Variants in SOX8 observed in about 807,000 individuals in gnomAD.
SOX8 encodes transcription factor SOX-8.
Under a neutral mutation model 22.9 loss-of-function variants are expected in SOX8, and 9 were observed. The observed-to-expected ratio is 0.39, with a 90% CI of 0.24 to 0.69. The LOEUF is 0.69. SOX8 is among the 30% of genes least tolerant of loss of function. The pLI is 0.43. For synonymous variants in SOX8, 416 were observed against 330.6 expected (o/e 1.26, Z -2.80); for missense variants, 734 against 699.4 (o/e 1.05, Z -0.56).
intron 2 of SOX8, among the ~76,000 whole-genome samples, chr16:984,377 C>A (rs1424281179): frequency 6.6e-6 from 1 of 152,278 alleles, no homozygotes; most frequent in South Asian, 2.1e-4. Context: ...TTGGCTGGCC[C>A]GGGGAGGAAC....
Position 986,872 on chromosome 16 carries a change from C to G in SOX8, c.*1486C>G, listed in dbSNP as rs1036756111. On this transcript the variant is annotated 3_prime_UTR_variant, in exon 3 of 3. Coordinates refer to ENST00000293894, the MANE Select transcript of SOX8 (RefSeq NM_014587.5). ...GCAGCGTCTCCCTTGGCACCGCGTT[C>G]GGAGGACGCACCCTCACTCCCCTGC... The G allele has an allele frequency of 2.6e-5, 4 of 152,262 alleles. No individual in the cohort carries two copies. The highest frequency in any genetic ancestry group is 2.9e-5 in the Non-Finnish European group (2 of 68,038). 9.4% of individuals were successfully genotyped at this position (152,262 alleles called of 1,614,324 possible).
Position 981,921 on chromosome 16 carries a change from C to A in SOX8, c.-2C>A, listed in dbSNP as rs764391231. 1.6e-6 allele frequency: 2 copies of A among 1,289,192 alleles called. No homozygotes were observed. Among genetic ancestry groups the A allele is most frequent in the East Asian group, 3.5e-5 (1 of 28,730 alleles). 79.9% of individuals were successfully genotyped at this position (1,289,192 alleles called of 1,614,324 possible). ...GTGCGCGCCCCTCCGCGCGCGGCCCCGATGCTGGACATGAGCGAGGCCCGC... is the reference window on the plus strand; with the variant it reads ...GTGCGCGCCCCTCCGCGCGCGGCCCAGATGCTGGACATGAGCGAGGCCCGC... On this transcript the variant is annotated 5_prime_UTR_variant, in exon 1 of 3. Coordinates refer to ENST00000293894, the MANE Select transcript of SOX8 (RefSeq NM_014587.5).
Position 981,801 on chromosome 16 carries a change from CG to C in SOX8, c.-120del. 1 of 385,396 alleles carries C rather than the reference CG, an allele frequency of 2.6e-6. No homozygotes were observed. Among genetic ancestry groups the C allele is most frequent in the Non-Finnish European group, 3.6e-6 (1 of 280,532 alleles). 23.9% of individuals were successfully genotyped at this position (385,396 alleles called of 1,614,324 possible). ...CGAGCCTCGGCGGCGGCGGCGGCGG[CG>C]GCAGGGGCGAGGGTCGGGGCCACCG... On this transcript the variant is annotated 5_prime_UTR_variant, in exon 1 of 3. Coordinates refer to ENST00000293894, the MANE Select transcript of SOX8 (RefSeq NM_014587.5).
At position 986,209 on chromosome 16, in the gene SOX8, G is replaced by T. The variant is rs1041929539; in HGVS notation, c.*823G>T. On this transcript the variant is annotated 3_prime_UTR_variant, in exon 3 of 3. Transcript: ENST00000293894. ...TCACGTTGCTCGTTGCTCGGCTTAT[G>T]GGAGGCCGCCCTGGAGGGCCCGGAG... 6.6e-6 allele frequency: 1 copy of T among 152,264 alleles called. No individual in the cohort carries two copies. Among genetic ancestry groups the T allele is most frequent in the African/African-American group, 2.4e-5 (1 of 41,466 alleles). 9.4% of individuals were successfully genotyped at this position (152,264 alleles called of 1,614,324 possible).
intron 1 of SOX8, 50 bp downstream of exon 1, chr16:982,394 G>T (rs747138766): frequency 7.0e-6 from 9 of 1,294,104 alleles, no homozygotes; most frequent in Middle Eastern, 2.9e-4. Context: ...GCCGCCCCTG[G>T]TCTCGGACTG....
In SOX8 at chr16:981,927, TG is replaced by T; in HGVS notation, c.7del (p.Asp3ThrfsTer2). On this transcript the variant is annotated frameshift_variant, in exon 1 of 3. Transcript: ENST00000293894. LOFTEE classifies it high-confidence loss of function. M[L>X]DMSEARSQPP... The stretch of plus-strand genomic sequence containing the variant: ...GCCCCTCCGCGCGCGGCCCCGATGC[TG>T]GACATGAGCGAGGCCCGCTCCCAGC... The T allele has an allele frequency of 1.5e-6, 2 of 1,328,074 alleles. No homozygotes were observed. The highest frequency in any genetic ancestry group is 9.6e-7 in the Non-Finnish European group (1 of 1,037,352). The allele number at this position is 1,328,074 out of a possible 1,614,324, so 82.3% of individuals were successfully genotyped here. A position where few individuals can be genotyped will look rare whatever the true frequency, so the allele number is the denominator to read the frequency against.
rs2073396087 is a variant in SOX8, at chr16:982,102, G to C, written c.180G>C (p.Ala60=). 1.5e-6 allele frequency: 2 copies of C among 1,330,298 alleles called. No homozygotes were observed. The highest frequency in any genetic ancestry group is 1.5e-5 in the African/African-American group (1 of 65,454). The allele number at this position is 1,330,298 out of a possible 1,614,324, so 82.4% of individuals were successfully genotyped here. Residue 60 remains alanine, a synonymous_variant, in exon 1 of 3, where the codon GCG becomes GCC. Coordinates refer to ENST00000293894, the MANE Select transcript of SOX8 (RefSeq NM_014587.5). ...CCCGGGGCGACCCGGCGGAGGCGGCGGACGAGCGCTTCCCGGCCTGCATCC... is the reference window on the plus strand; with the variant it reads ...CCCGGGGCGACCCGGCGGAGGCGGCCGACGAGCGCTTCCCGGCCTGCATCC... ...GGARGDPAEA[A]DERFPACIRD...
rs2073439062 is a variant in SOX8, at chr16:984,734, C to T, written c.689C>T (p.Thr230Ile). ...QTHGPPTPPT[T>I]PKTELQQAGA... Reference sequence around the variant, plus strand: ...CACGGGCCGCCCACCCCGCCCACCACCCCCAAGACGGAGCTGCAGCAGGCG... The same window carrying T: ...CACGGGCCGCCCACCCCGCCCACCATCCCCAAGACGGAGCTGCAGCAGGCG... Residue 230 changes from threonine (T) to isoleucine (I), a missense_variant, in exon 3 of 3, where the codon ACC (threonine) becomes ATC (isoleucine). Around this residue, in one of 3 missense-constraint regions of SOX8, gnomAD observed 588 missense variants for 568.2 expected, o/e 1.03. Coordinates refer to ENST00000293894, the MANE Select transcript of SOX8 (RefSeq NM_014587.5). 1 of 1,578,156 alleles carries T rather than the reference C, an allele frequency of 6.3e-7. No individual in the cohort carries two copies. Among genetic ancestry groups the T allele is most frequent in the Non-Finnish European group, 8.6e-7 (1 of 1,165,544 alleles).
rs762819363 is a variant in SOX8, at chr16:985,142, G to A, written c.1097G>A (p.Ser366Asn). Residue 366 changes from serine to asparagine, a missense_variant, in exon 3 of 3, where the codon AGC becomes AAC. Transcript: ENST00000293894. Reference protein sequence around the residue: ...PDYGSCSGQSSATPAAPAGPF... With the variant: ...PDYGSCSGQSNATPAAPAGPF... The stretch of plus-strand genomic sequence containing the variant: ...TACGGTTCCTGCAGCGGCCAGTCCA[G>A]CGCCACCCCGGCCGCCCCCGCCGGC... The A allele has an allele frequency of 1.2e-6, 2 of 1,601,636 alleles. No homozygotes were observed. Among genetic ancestry groups the A allele is most frequent in the East Asian group, 4.5e-5 (2 of 44,422 alleles).
In SOX8 at chr16:982,223, C is replaced by A. The variant is rs888392186; in HGVS notation, c.301C>A (p.His101Asn). The A allele has an allele frequency of 1.9e-6, 3 of 1,543,068 alleles. No homozygotes were observed. The highest frequency in any genetic ancestry group is 2.6e-6 in the Non-Finnish European group (3 of 1,152,792). ...CGGCGGCGCGCTCAAAGCCAAGCCG[C>A]ATGTGAAGCGGCCCATGAACGCATT... ...GGGGALKAKP[H>N]VKRPMNAFMV... Residue 101 changes from histidine (H) to asparagine (N), a missense_variant, in exon 1 of 3, where the codon CAT becomes AAT. Physicochemically the swap from His to Asn is moderately conservative, Grantham distance 68 (BLOSUM62 1). Coordinates refer to ENST00000293894, the MANE Select transcript of SOX8 (RefSeq NM_014587.5).
Position 985,372 on chromosome 16 carries a change from C to A in SOX8, c.1327C>A (p.Leu443Met). 1 of 1,564,476 alleles carries A rather than the reference C, an allele frequency of 6.4e-7. No homozygotes were observed. The highest frequency in any genetic ancestry group is 2.3e-5 in the East Asian group (1 of 42,558). Reference protein sequence around the residue: ...SHWDQPVYTTLTRP With the variant: ...SHWDQPVYTTMTRP The stretch of plus-strand genomic sequence containing the variant: ...CTGGGACCAGCCGGTGTACACCACC[C>A]TGACCAGGCCCTGAGGGCCCAGCCG... The change falls in exon 3 of 3, where the codon CTG becomes ATG. Residue 443 changes from leucine to methionine, a missense_variant. This residue lies in a region of SOX8 where 588 missense variants were observed against 568.2 expected (regional missense o/e 1.03). Coordinates refer to ENST00000293894, the MANE Select transcript of SOX8 (RefSeq NM_014587.5).
chr16:981,944 CG>C lies in SOX8; in HGVS notation c.23del (p.Arg8ProfsTer95). The C allele has an allele frequency of 7.1e-7, 1 of 1,415,168 alleles. No homozygotes were observed. Among genetic ancestry groups the C allele is most frequent in the Non-Finnish European group, 9.2e-7 (1 of 1,082,186 alleles). 87.7% of individuals were successfully genotyped at this position (1,415,168 alleles called of 1,614,324 possible). A position where few individuals can be genotyped will look rare whatever the true frequency, so the allele number is the denominator to read the frequency against. MLDMSEA[R>X]SQPPCSPSGT... ...CCCGATGCTGGACATGAGCGAGGCC[CG>C]CTCCCAGCCGCCCTGCAGCCCGTCC... On this transcript the variant is annotated frameshift_variant, in exon 1 of 3. Transcript: ENST00000293894. LOFTEE classifies it high-confidence loss of function.
At chr16:983,648 C>T in intron 1 of SOX8, 80 bp from the exon 2 acceptor site, 2 of 1,348,376 alleles carry the variant, frequency 1.5e-6, no homozygotes, top group Non-Finnish European at 2.0e-6. Context: ...GCCTCTGCTG[C>T]CGGTTCCCCC....
rs1393106516 is a variant in SOX8 at position 985,148 on chromosome 16, C to A, written c.1103C>A (p.Thr368Asn). 8 of 1,602,962 alleles carry A rather than the reference C, an allele frequency of 5.0e-6. No individual in the cohort carries two copies. The highest frequency in any genetic ancestry group is 6.0e-6 in the Non-Finnish European group (7 of 1,176,116). Residue 368 changes from threonine (T) to asparagine (N), a missense_variant, in exon 3 of 3, where the codon ACC (threonine) becomes AAC (asparagine). By Grantham distance (65) the Thr-to-Asn change is moderately conservative (BLOSUM62 0). Around this residue, in one of 3 missense-constraint regions of SOX8, gnomAD observed 588 missense variants for 568.2 expected, o/e 1.03. Coordinates refer to ENST00000293894, the MANE Select transcript of SOX8 (RefSeq NM_014587.5). ...TCCTGCAGCGGCCAGTCCAGCGCCA[C>A]CCCGGCCGCCCCCGCCGGCCCCTTC... Reference protein sequence around the residue: ...YGSCSGQSSATPAAPAGPFAG... With the variant: ...YGSCSGQSSANPAAPAGPFAG...
chr16:982,089 C>G lies in SOX8; in HGVS notation c.167C>G (p.Pro56Arg). 2 of 1,308,754 alleles carry G rather than the reference C, an allele frequency of 1.5e-6. No homozygotes were observed. The highest frequency in any genetic ancestry group is 1.9e-6 in the Non-Finnish European group (2 of 1,037,746). 81.1% of individuals were successfully genotyped at this position (1,308,754 alleles called of 1,614,324 possible). The change falls in exon 1 of 3, where the codon CCG becomes CGG. Residue 56 changes from proline to arginine, a missense_variant. Physicochemically the swap from Pro to Arg is moderately radical, Grantham distance 103. Around this residue, in one of 3 missense-constraint regions of SOX8, gnomAD observed 139 missense variants for 109.1 expected, o/e 1.27. Coordinates refer to ENST00000293894, the MANE Select transcript of SOX8 (RefSeq NM_014587.5). ...GVAVGGARGD[P>R]AEAADERFPA... ...GCGGTGGGGGGCGCCCGGGGCGACC[C>G]GGCGGAGGCGGCGGACGAGCGCTTC...
rs1488607823 is a variant in SOX8 at position 984,736 on chromosome 16, C to T, written c.691C>T (p.Pro231Ser). 1 of 1,581,210 alleles carries T rather than the reference C, an allele frequency of 6.3e-7. No individual in the cohort carries two copies. Residue 231 changes from proline to serine, a missense_variant, in exon 3 of 3, where the codon CCC (proline) becomes TCC (serine). By Grantham distance (74) the Pro-to-Ser change is moderately conservative. Coordinates refer to ENST00000293894, the MANE Select transcript of SOX8 (RefSeq NM_014587.5). ...THGPPTPPTT[P>S]KTELQQAGAK... is the part of the protein sequence containing the mutation. ...CGGGCCGCCCACCCCGCCCACCACC[C>T]CCAAGACGGAGCTGCAGCAGGCGGG...
chr16:985,127 G>T lies in SOX8; in HGVS notation c.1082G>T (p.Cys361Phe). 1 of 1,599,402 alleles carries T rather than the reference G, an allele frequency of 6.3e-7. No individual in the cohort carries two copies. Reference protein sequence around the residue: ...QPRGSPDYGSCSGQSSATPAA... With the variant: ...QPRGSPDYGSFSGQSSATPAA... The stretch of plus-strand genomic sequence containing the variant: ...CGAGGCTCGCCCGACTACGGTTCCT[G>T]CAGCGGCCAGTCCAGCGCCACCCCG... Residue 361 changes from cysteine to phenylalanine, a missense_variant, in exon 3 of 3, where the codon TGC becomes TTC. Cys to Phe is a radical substitution (Grantham distance 205). Around this residue, in one of 3 missense-constraint regions of SOX8, gnomAD observed 588 missense variants for 568.2 expected, o/e 1.03. Coordinates refer to ENST00000293894, the MANE Select transcript of SOX8 (RefSeq NM_014587.5).
At position 982,112 on chromosome 16, in the gene SOX8, T is replaced by C; in HGVS notation, c.190T>C (p.Phe64Leu). ...GDPAEAADER[F>L]PACIRDAVSQ... Reference sequence around the variant, plus strand: ...CCCGGCGGAGGCGGCGGACGAGCGCTTCCCGGCCTGCATCCGCGACGCCGT... The same window carrying C: ...CCCGGCGGAGGCGGCGGACGAGCGCCTCCCGGCCTGCATCCGCGACGCCGT... Residue 64 changes from phenylalanine (F) to leucine (L), a missense_variant, in exon 1 of 3, where the codon TTC (phenylalanine) becomes CTC (leucine). Physicochemically the swap from Phe to Leu is conservative, Grantham distance 22. Around this residue, in one of 3 missense-constraint regions of SOX8, gnomAD observed 139 missense variants for 109.1 expected, o/e 1.27. Coordinates refer to ENST00000293894, the MANE Select transcript of SOX8 (RefSeq NM_014587.5). 7.1e-7 allele frequency: 1 copy of C among 1,404,382 alleles called. No homozygotes were observed. The highest frequency in any genetic ancestry group is 9.3e-7 in the Non-Finnish European group (1 of 1,080,830). The allele number at this position is 1,404,382 out of a possible 1,614,324, so 87.0% of individuals were successfully genotyped here.
Position 983,744 on chromosome 16 carries a change from G to A in SOX8, c.439G>A (p.Glu147Lys), listed in dbSNP as rs777644484. The change falls in exon 2 of 3, where the codon GAG (glutamate) becomes AAG (lysine). Residue 147 changes from glutamate to lysine, a missense_variant. Around this residue, in one of 3 missense-constraint regions of SOX8, gnomAD observed 588 missense variants for 568.2 expected, o/e 1.03. Coordinates refer to ENST00000293894, the MANE Select transcript of SOX8 (RefSeq NM_014587.5). ...GKLWRLLSESEKRPFVEEAER... is the reference protein window; with the variant it reads ...GKLWRLLSESKKRPFVEEAER... ...GTGCTGCAGCTTGCTGAGCGAGAGC[G>A]AGAAGCGGCCCTTCGTGGAGGAGGC... 6 of 1,612,430 alleles carry A rather than the reference G, an allele frequency of 3.7e-6. No individual in the cohort carries two copies. Among genetic ancestry groups the A allele is most frequent in the South Asian group, 2.2e-5 (2 of 91,006 alleles).
Sources: allele counts gnomAD v4.1 joint callset (sites outside exome capture counted in the v4.1 genomes callset), GRCh38; gene constraint gnomAD v4.1.1; regional missense constraint gnomAD v4.1.1; transcripts MANE v1.5; gene names NCBI Gene and HGNC (gene_info 2026-07-23, HGNC 2026-07-21).